CADPS: variants seen among roughly 807,000 people sequenced by gnomAD.
The protein encoded by CADPS is calcium-dependent secretion activator 1.
CADPS carries 57 observed loss-of-function variants against 167.3 expected under a neutral mutation model. That is an observed-to-expected ratio of 0.34 (90% confidence interval 0.28 to 0.42). The LOEUF (loss-of-function observed/expected upper bound fraction) is 0.42. Ranked by LOEUF, CADPS falls within the 20% of genes least tolerant of loss-of-function variation. The pLI, the probability that CADPS is intolerant of heterozygous loss-of-function variation, is 1.00. For synonymous variants in CADPS, 676 were observed against 635.3 expected, an observed-to-expected ratio of 1.06 and a Z score of -0.96; for missense variants, 1,414 against 1,738.1, an observed-to-expected ratio of 0.81 and a Z score of 3.32.
chr3:62,499,120 G>T, intron 18 of CADPS, 42 bp downstream of exon 18: 1 of 1,281,090 alleles, frequency 7.8e-7, no homozygotes, highest in Non-Finnish European at 1.1e-6. Flanking sequence ...TGCAAGCTCA[G>T]CTAAGGGACA....
At chr3:62,400,131 A>G (rs1417537146) in intron 29 of CADPS, among the ~76,000 whole-genome samples, 1 of 152,264 alleles carries the variant, frequency 6.6e-6, no homozygotes, top group Non-Finnish European at 1.5e-5. Flanking sequence ...CAATTATGAG[A>G]AAGATGGAGC....
chr3:62,404,034 A>C (rs1707410202), intron 28 of CADPS: 1 of 152,208 alleles, frequency 6.6e-6, no homozygotes, highest in African/African-American at 2.4e-5. Flanking sequence ...TCATATATTC[A>C]TAAATCTCAC....
chr3:62,479,358 C>T (rs2061685639), intron 22 of CADPS, among the ~76,000 whole-genome samples: 1 of 152,176 alleles, frequency 6.6e-6, no homozygotes, highest in Non-Finnish European at 1.5e-5. Flanking sequence ...GAGGGGTGTC[C>T]TCCCCCCCAC....
In CADPS at chr3:62,753,594, G is replaced by A. The variant is rs369749881; in HGVS notation, c.735C>T (p.Tyr245=). 1.5e-5 allele frequency: 25 copies of A among 1,614,150 alleles called. No individual in the cohort carries two copies. In the South Asian group the frequency reaches 2.6e-4, roughly 17 times the overall value. Residue 245 remains tyrosine, a synonymous_variant, in exon 3 of 30, where the codon TAC becomes TAT. Transcript: ENST00000383710. This position sits in a 1 kb window ranked among gnomAD's most constrained non-coding sequence, Gnocchi z 4.6. ...GCTTCCGCGGGTCCTCTTCTCCACG[G>A]TAGATGGCATCAAATTTGGCCATCC... ...SSWMAKFDAI[Y]RGEEDPRKQQ...
At chr3:62,543,283 T>C (rs1377727500) in intron 11 of CADPS, among the ~76,000 whole-genome samples, 1 of 152,190 alleles carries the variant, frequency 6.6e-6, no homozygotes, top group Admixed American at 6.5e-5. Context: ...AAGTTGACAA[T>C]ATAAGAAGAT....
At position 62,399,361 on chromosome 3, in the gene CADPS, A is replaced by C; in HGVS notation, c.*45T>G. On this transcript the variant is annotated 3_prime_UTR_variant, in exon 30 of 30. Transcript: ENST00000383710. This position sits in a 1 kb window ranked among gnomAD's most constrained non-coding sequence, Gnocchi z 5.6. ...TTTAACTAACAGACTAAGGACATGC[A>C]CTGATTACAGGACTCTGTCCCAGCA... 1.3e-6 allele frequency: 2 copies of C among 1,585,262 alleles called. No individual in the cohort carries two copies. Among genetic ancestry groups the C allele is most frequent in the Non-Finnish European group, 1.7e-6 (2 of 1,154,976 alleles).
At chr3:62,488,419 C>T (rs114557326) in intron 21 of CADPS, among the ~76,000 whole-genome samples, 2,056 of 152,232 alleles carry the variant, frequency 0.014, 42 homozygotes, top group African/African-American at 0.045. Context: ...GTTTAAAAAT[C>T]GGCTGATACA....
intron 9 of CADPS, among the ~76,000 whole-genome samples, chr3:62,561,515 G>A (rs969337658): frequency 6.6e-6 from 1 of 151,276 alleles, no homozygotes; most frequent in African/African-American, 2.4e-5. Flanking sequence ...AGTGATCTTC[G>A]CATTTTGGTC....
At chr3:62,852,067 C>T (rs1450930008) in intron 1 of CADPS, among the ~76,000 whole-genome samples, 9 of 147,088 alleles carry the variant, frequency 6.1e-5, no homozygotes, top group South Asian at 4.7e-4. Flanking sequence ...TTGATCGCAT[C>T]GGCTCCTGAG....
chr3:62,491,515 A>G (rs1167983927), intron 20 of CADPS, 35 bp from the exon 21 acceptor site: 2 of 1,599,088 alleles, frequency 1.3e-6, no homozygotes. Context: ...TTAAGAACCC[A>G]CAGCTACTTT....
chr3:62,450,421 G>A (rs966844039), intron 26 of CADPS, among the ~76,000 whole-genome samples: 1 of 152,158 alleles, frequency 6.6e-6, no homozygotes, highest in Non-Finnish European at 1.5e-5. Flanking sequence ...CAAAGGGGAG[G>A]GGGTAGGGCT....
intron 28 of CADPS, among the ~76,000 whole-genome samples, chr3:62,415,912 G>C (rs916398855): frequency 1.3e-5 from 2 of 151,974 alleles, no homozygotes; most frequent in African/African-American, 4.8e-5. Context: ...CTTTTTTCTT[G>C]TTCTGCAAAA....
intron 1 of CADPS, among the ~76,000 whole-genome samples, chr3:62,826,171 G>A (rs1344312840): frequency 6.6e-6 from 1 of 152,168 alleles, no homozygotes; most frequent in Non-Finnish European, 1.5e-5. Flanking sequence ...TGGAACTATT[G>A]AGAATTTCTG....
chr3:62,694,121 T>A (rs2079797779), intron 3 of CADPS, among the ~76,000 whole-genome samples: 1 of 152,090 alleles, frequency 6.6e-6, no homozygotes, highest in Non-Finnish European at 1.5e-5. Context: ...CCAGACTTCC[T>A]CTCACGAAGG....
Position 62,425,012 on chromosome 3 carries a change from G to C in CADPS, c.3777+13092C>G, listed in dbSNP as rs373298805. On this transcript the variant is annotated intron_variant, in intron 28 of 29. Coordinates refer to ENST00000383710, the MANE Select transcript of CADPS (RefSeq NM_003716.4). Reference sequence around the variant, plus strand: ...TGGGGATGAAAATACCATAGTTTCAGAAGAAAGGGCCCTGAGGATCTGGGC... The same window carrying C: ...TGGGGATGAAAATACCATAGTTTCACAAGAAAGGGCCCTGAGGATCTGGGC... Among the ~76,000 whole-genome samples the C allele has an allele frequency of 3.3e-5, 5 of 152,288 alleles. No homozygotes were observed. In the South Asian group the frequency reaches 8.3e-4, roughly 25 times the overall value.
At chr3:62,820,795 GTT>G (rs5849504) in intron 1 of CADPS, among the ~76,000 whole-genome samples, 1 of 137,996 alleles carries the variant, frequency 7.2e-6, no homozygotes, top group East Asian at 2.1e-4. Context: ...CTTTTTTTTG[GTT>G]TTTTTTTTTT....
chr3:62,646,857 G>A (rs2068709437), intron 5 of CADPS, among the ~76,000 whole-genome samples: 1 of 152,178 alleles, frequency 6.6e-6, no homozygotes, highest in Admixed American at 6.5e-5. Context: ...CACAAACTCT[G>A]TACAGGCCAA....
At chr3:62,787,466 TATC>T (rs2092567612) in intron 1 of CADPS, among the ~76,000 whole-genome samples, 1 of 152,250 alleles carries the variant, frequency 6.6e-6, no homozygotes, top group African/African-American at 2.4e-5. Context: ...TCAATGTATT[TATC>T]ATACCATTGA....
rs2068565998 is a variant in CADPS at position 62,514,627 on chromosome 3, T to C, written c.2581+1432A>G. On this transcript the variant is annotated intron_variant, in intron 16 of 29. Coordinates refer to ENST00000383710, the MANE Select transcript of CADPS (RefSeq NM_003716.4). The surrounding 1 kb of genome is among the most constrained non-coding windows in gnomAD (Gnocchi z 4.2). ...ATTTTTACTTACAGATCTTAAAGTT[T>C]GTTTTTGGATAGATTTATCTGAAAG... 6.6e-6 allele frequency among the ~76,000 whole-genome samples: 1 copy of C among 152,168 alleles called. No homozygotes were observed. Among genetic ancestry groups the C allele is most frequent in the Admixed American group, 6.6e-5 (1 of 15,258 alleles).
Sources: allele counts gnomAD v4.1 joint callset (sites outside exome capture counted in the v4.1 genomes callset), GRCh38; gene constraint gnomAD v4.1.1; non-coding constraint Gnocchi (gnomAD v3.1); transcripts MANE v1.5; gene names NCBI Gene and HGNC (gene_info 2026-07-23, HGNC 2026-07-21).